The following SCP2 variants were observed in gnomAD, a reference collection of about 807,000 sequenced individuals.
SCP2 encodes the protein sterol carrier protein 2.
SCP2 carries 48 observed loss-of-function variants against 71.4 expected under a neutral mutation model. The observed-to-expected ratio is 0.67, with a 90% CI of 0.53 to 0.86. The LOEUF (loss-of-function observed/expected upper bound fraction) is 0.86, where lower values mean the gene tolerates loss of function less well. Among genes scored for constraint, SCP2 ranks in the 40% least tolerant of loss-of-function variants. SCP2 has a pLI of 0.00. For missense variants in SCP2, 560 were observed against 655.6 expected, an observed-to-expected ratio of 0.85 and a Z score of 1.59; for synonymous variants, 220 against 218.1, an observed-to-expected ratio of 1.01 and a Z score of -0.08.
At chr1:52,999,834 T>TTTTTTTTTTTTTA (rs1572167410) in intron 11 of SCP2, among the ~76,000 whole-genome samples, 2 of 141,550 alleles carry the variant, frequency 1.4e-5, no homozygotes, top group African/African-American at 2.9e-5. Flanking sequence ...TTTTTTTTTT[T>TTTTTTTTTTTTTA]GAGACAGAGT....
At position 53,047,749 on chromosome 1, in the gene SCP2, G is replaced by T. The variant is rs116159557; in HGVS notation, c.1469-109G>T. 624 of 765,738 alleles carry T rather than the reference G, an allele frequency of 8.1e-4. 4 individuals carry two copies. In the African/African-American group the frequency reaches 9.6e-3, roughly 12 times the overall value. 47.4% of individuals were successfully genotyped at this position (765,738 alleles called of 1,614,324 possible). On this transcript the variant is annotated intron_variant, in intron 14 of 15. Transcript: ENST00000371514. ...ATGTGAGTGCCCATTTCCCCACACT[G>T]CCTCAGTGCTGGTTATAATTCTGTT...
chr1:52,953,671 T>G (rs1572077450), intron 4 of SCP2, among the ~76,000 whole-genome samples: 1 of 152,102 alleles, frequency 6.6e-6, no homozygotes, highest in African/African-American at 2.4e-5. Flanking sequence ...TCTAGAAGAA[T>G]ATAAAGATTT....
At chr1:52,994,003 A>G in intron 11 of SCP2, 1 of 1,226,672 alleles carries the variant, frequency 8.2e-7, no homozygotes, top group African/African-American at 1.5e-5. Context: ...TTTGTAAAGA[A>G]AATTTGTTTT....
intron 13 of SCP2, among the ~76,000 whole-genome samples, chr1:53,035,109 GAA>G (rs199933576): frequency 7.6e-5 from 10 of 131,012 alleles, no homozygotes; most frequent in Admixed American, 3.7e-4. Context: ...CTGTCTCAAA[GAA>G]AAAAAAAAAA....
At position 52,978,365 on chromosome 1, in the gene SCP2, A is replaced by G; in HGVS notation, c.823A>G (p.Met275Val). The stretch of plus-strand genomic sequence containing the variant: ...GTTTGAAGAAAAAAGCATTATTAAA[A>G]TGGTATGTCTGAGATTCTATTTGTT... ...SSFEEKSIIK[M>V]VGFDMSKEAA... is the part of the protein sequence containing the mutation. Residue 275 changes from methionine to valine, a missense_variant and splice_region_variant, in exon 9 of 16, where the codon ATG (methionine) becomes GTG (valine). Around this residue, in one of 3 missense-constraint regions of SCP2, gnomAD observed 513 missense variants for 573.1 expected, o/e 0.90. Transcript: ENST00000371514. 1.9e-6 allele frequency: 3 copies of G among 1,611,994 alleles called. No individual in the cohort carries two copies. The highest frequency in any genetic ancestry group is 2.2e-5 in the South Asian group (2 of 91,026).
Position 52,927,313 on chromosome 1 carries a change from C to A in SCP2, c.-84C>A. On this transcript the variant is annotated 5_prime_UTR_variant, in exon 1 of 16. Transcript: ENST00000371514. Reference sequence around the variant, plus strand: ...TGCCGCCCGCGGCCCTGGCTTCGGGCTTCAGGGAGCTCTGGTGCAGTCTCC... The same window carrying A: ...TGCCGCCCGCGGCCCTGGCTTCGGGATTCAGGGAGCTCTGGTGCAGTCTCC... 8.2e-7 allele frequency: 1 copy of A among 1,223,266 alleles called. No homozygotes were observed. Among genetic ancestry groups the A allele is most frequent in the Non-Finnish European group, 1.2e-6 (1 of 864,962 alleles). The allele number at this position is 1,223,266 out of a possible 1,614,324, so 75.8% of individuals were successfully genotyped here.
intron 12 of SCP2, among the ~76,000 whole-genome samples, chr1:53,022,370 A>G (rs565430834): frequency 2.0e-4 from 30 of 152,048 alleles, no homozygotes; most frequent in Non-Finnish European, 2.6e-4. Flanking sequence ...CTTGTTACCT[A>G]TCTTTTTAGT....
intron 12 of SCP2, among the ~76,000 whole-genome samples, chr1:53,021,910 G>A (rs765387986): frequency 1.3e-5 from 2 of 152,142 alleles, no homozygotes; most frequent in African/African-American, 4.8e-5. Context: ...CTCCCAAAGT[G>A]CTGGGATTAC....
chr1:52,942,755 A>G (rs1181532370), intron 2 of SCP2, among the ~76,000 whole-genome samples: 4 of 149,780 alleles, frequency 2.7e-5, no homozygotes, highest in African/African-American at 5.0e-5. Context: ...GTAGAGTGCA[A>G]ATGGCATGAT....
chr1:52,966,624 G>A (rs576921639), intron 6 of SCP2, among the ~76,000 whole-genome samples: 26 of 151,922 alleles, frequency 1.7e-4, no homozygotes, highest in African/African-American at 5.6e-4. Flanking sequence ...GGTGGCTTAC[G>A]CCTGTAATCC....
At chr1:52,980,117 G>T (rs1256067690) in intron 9 of SCP2, among the ~76,000 whole-genome samples, 1 of 151,960 alleles carries the variant, frequency 6.6e-6, no homozygotes, top group African/African-American at 2.4e-5. Flanking sequence ...GGGACCACAG[G>T]CACATACTAC....
At chr1:53,025,279 G>A (rs1662043677) in intron 12 of SCP2, among the ~76,000 whole-genome samples, 1 of 152,058 alleles carries the variant, frequency 6.6e-6, no homozygotes, top group Non-Finnish European at 1.5e-5. Flanking sequence ...TTCTGTCCCT[G>A]ACTCTGAGTA....
In SCP2 at chr1:52,941,859, A is replaced by T. The variant is rs1387603647; in HGVS notation, c.127+6A>T. On this transcript the variant is annotated splice_donor_region_variant and intron_variant, in intron 2 of 15. Transcript: ENST00000371514. ...TGACTTGGCAGAAGAAGCAGGTAACATAGAACATTTAGATCTTTGAACATT... is the reference window on the plus strand; with the variant it reads ...TGACTTGGCAGAAGAAGCAGGTAACTTAGAACATTTAGATCTTTGAACATT... The T allele has an allele frequency of 6.3e-7, 1 of 1,594,600 alleles. No individual in the cohort carries two copies. The highest frequency in any genetic ancestry group is 8.6e-7 in the Non-Finnish European group (1 of 1,162,160).
At chr1:52,955,562 T>C (rs1212220327) in intron 5 of SCP2, among the ~76,000 whole-genome samples, 1 of 152,166 alleles carries the variant, frequency 6.6e-6, no homozygotes, top group Non-Finnish European at 1.5e-5. Flanking sequence ...AAACCTTTCA[T>C]TGAGTTAATA....
chr1:52,957,348 TAC>T (rs971410736), intron 5 of SCP2, among the ~76,000 whole-genome samples: 15 of 152,296 alleles, frequency 9.8e-5, no homozygotes, highest in African/African-American at 2.4e-4. Flanking sequence ...CATATGCATA[TAC>T]ACACACACAT....
intron 15 of SCP2, 43 bp downstream of exon 15, chr1:53,047,980 T>A: frequency 7.5e-7 from 1 of 1,329,964 alleles, no homozygotes; most frequent in Non-Finnish European, 1.1e-6. Context: ...GGTAGGTCTT[T>A]CAGCCCTTTC....
In SCP2 at chr1:53,046,170, T is replaced by C. The variant is rs187732037; in HGVS notation, c.1469-1688T>C. Among the ~76,000 whole-genome samples the C allele has an allele frequency of 1.1e-4, 16 of 152,318 alleles. No homozygotes were observed. In the East Asian group the frequency reaches 3.1e-3, roughly 29 times the overall value. ...TAAGTTTTCATTTTTCTTCGGTAAA[T>C]ACCTAGGAATAGGATTGCTAGTTCA... On this transcript the variant is annotated intron_variant, in intron 14 of 15. Coordinates refer to ENST00000371514, the MANE Select transcript of SCP2 (RefSeq NM_002979.5).
At chr1:52,973,595 A>G (rs1657692425) in intron 6 of SCP2, among the ~76,000 whole-genome samples, 1 of 152,058 alleles carries the variant, frequency 6.6e-6, no homozygotes, top group Non-Finnish European at 1.5e-5. Context: ...TTTTTTTGAG[A>G]TGGAGTCTCA....
At chr1:53,029,889 C>G (rs1216754171) in intron 13 of SCP2, among the ~76,000 whole-genome samples, 1 of 127,344 alleles carries the variant, frequency 7.9e-6, no homozygotes, top group East Asian at 2.7e-4. Context: ...TAAATCTTTA[C>G]CCCCTGTTTT....
Sources: allele counts gnomAD v4.1 joint callset (sites outside exome capture counted in the v4.1 genomes callset), GRCh38; gene constraint gnomAD v4.1.1; regional missense constraint gnomAD v4.1.1; transcripts MANE v1.5; gene names NCBI Gene and HGNC (gene_info 2026-07-23, HGNC 2026-07-21).